ELMO1: variants seen among roughly 807,000 people sequenced by gnomAD.
The protein encoded by ELMO1 is engulfment and cell motility protein 1.
Under a neutral mutation model 98.9 loss-of-function variants are expected in ELMO1, and 26 were observed. That is an observed-to-expected ratio of 0.26 (90% confidence interval 0.19 to 0.36). ELMO1 has a LOEUF of 0.36. Ranked by LOEUF, ELMO1 falls within the 10% of genes least tolerant of loss-of-function variation. The pLI is 1.00. For synonymous variants in ELMO1, 346 were observed against 346.0 expected (o/e 1.00, Z 0.00); for missense variants, 627 against 935.2 (o/e 0.67, Z 4.30).
intron 1 of ELMO1, among the ~76,000 whole-genome samples, chr7:37,408,127 G>A (rs1803849892): frequency 6.6e-6 from 1 of 152,124 alleles, no homozygotes; most frequent in Non-Finnish European, 1.5e-5. Flanking sequence ...TTGTAACCTT[G>A]TGTTCCCCAT....
intron 16 of ELMO1, among the ~76,000 whole-genome samples, chr7:36,991,367 C>G (rs1791866116): frequency 6.6e-6 from 1 of 152,200 alleles, no homozygotes; most frequent in Non-Finnish European, 1.5e-5. Flanking sequence ...GATGTGAGAT[C>G]AGAAGTGGGG....
chr7:37,195,580 G>T (rs1791916624), intron 13 of ELMO1, among the ~76,000 whole-genome samples: 2 of 152,338 alleles, frequency 1.3e-5, no homozygotes, highest in Admixed American at 6.5e-5. Flanking sequence ...TGGAGGCGGG[G>T]CTCCCTGCAC....
At chr7:37,006,634 A>G (rs1793142819) in intron 16 of ELMO1, among the ~76,000 whole-genome samples, 1 of 152,230 alleles carries the variant, frequency 6.6e-6, no homozygotes, top group Admixed American at 6.5e-5. Context: ...CAGCAGGCAC[A>G]GGTATACATA....
chr7:37,227,192 C>T (rs766097408), intron 8 of ELMO1, among the ~76,000 whole-genome samples: 2 of 152,102 alleles, frequency 1.3e-5, no homozygotes, highest in African/African-American at 4.8e-5. Context: ...AGAGTATATA[C>T]AAATAACACT....
chr7:37,092,875 A>T (rs1784190055), intron 15 of ELMO1, among the ~76,000 whole-genome samples: 2 of 148,586 alleles, frequency 1.3e-5, no homozygotes, highest in Non-Finnish European at 3.0e-5. Context: ...AAATGCAATC[A>T]CTCTACTTTC....
chr7:37,046,663 C>T (rs1427892083), intron 15 of ELMO1, among the ~76,000 whole-genome samples: 1 of 152,092 alleles, frequency 6.6e-6, no homozygotes, highest in Non-Finnish European at 1.5e-5. Flanking sequence ...AAATGTCTGC[C>T]GTTAATCTTA....
intron 13 of ELMO1, among the ~76,000 whole-genome samples, chr7:37,194,942 A>G (rs959524963): frequency 2.0e-5 from 3 of 151,560 alleles, no homozygotes. Flanking sequence ...TTCATTCAAC[A>G]CACACTTACC....
chr7:37,070,366 T>A (rs990276288), intron 15 of ELMO1, among the ~76,000 whole-genome samples: 2 of 152,220 alleles, frequency 1.3e-5, no homozygotes, highest in Non-Finnish European at 2.9e-5. Flanking sequence ...AAAATTCATA[T>A]GAAGATGCAA....
intron 16 of ELMO1, among the ~76,000 whole-genome samples, chr7:36,974,393 T>C (rs975196243): frequency 6.6e-6 from 1 of 152,190 alleles, no homozygotes; most frequent in Non-Finnish European, 1.5e-5. Context: ...CGGCACTCTG[T>C]ATCTAGCTCA....
At chr7:36,889,182 C>T (rs1351780471) in intron 17 of ELMO1, among the ~76,000 whole-genome samples, 2 of 152,096 alleles carry the variant, frequency 1.3e-5, no homozygotes, top group Non-Finnish European at 2.9e-5. Context: ...GGCTTAAGTG[C>T]CCTCAAACAT....
chr7:37,354,581 C>T (rs928545853), intron 1 of ELMO1, among the ~76,000 whole-genome samples: 2 of 152,206 alleles, frequency 1.3e-5, no homozygotes, highest in African/African-American at 2.4e-5. Context: ...CTGGAAAGTT[C>T]ATCATTTTGC....
intron 14 of ELMO1, among the ~76,000 whole-genome samples, chr7:37,106,098 G>A (rs989651849): frequency 5.3e-5 from 8 of 152,132 alleles, no homozygotes; most frequent in South Asian, 2.1e-4. Context: ...ACTCTCAAGC[G>A]TTTAGCTCAT....
chr7:36,898,910 A>G (rs998896172), intron 16 of ELMO1, among the ~76,000 whole-genome samples: 3 of 152,210 alleles, frequency 2.0e-5, no homozygotes, highest in Non-Finnish European at 2.9e-5. Flanking sequence ...GCAAGGGGTC[A>G]GGTGTTCACT....
At chr7:37,023,839 C>A (rs753362962) in intron 15 of ELMO1, among the ~76,000 whole-genome samples, 5 of 152,152 alleles carry the variant, frequency 3.3e-5, no homozygotes, top group Non-Finnish European at 7.4e-5. Flanking sequence ...CCACCTCAGC[C>A]TCTCAAAGTT....
intron 15 of ELMO1, among the ~76,000 whole-genome samples, chr7:37,077,534 G>A (rs1797648287): frequency 6.6e-6 from 1 of 152,216 alleles, no homozygotes; most frequent in Non-Finnish European, 1.5e-5. Flanking sequence ...GTTGCAGGAT[G>A]AAGCAGGGGC....
chr7:37,077,866 C>T (rs533519531), intron 15 of ELMO1, among the ~76,000 whole-genome samples: 24 of 152,174 alleles, frequency 1.6e-4, no homozygotes, highest in Non-Finnish European at 2.8e-4. Context: ...CCAGAGCATA[C>T]GAGCAAAGGG....
rs151206698 is a variant in ELMO1, at chr7:37,195,519, CT to C, written c.1086+15866del. ...ATAGATGGAAGAAATCCACAGGCCC[CT>C]GTCTCACACCTTGGATGCCTGTTTG... On this transcript the variant is annotated intron_variant, in intron 13 of 21. Transcript: ENST00000310758. 4.8e-3 allele frequency among the ~76,000 whole-genome samples: 734 copies of C among 152,342 alleles called. 9 individuals carry two copies. The highest frequency in any genetic ancestry group is 0.017 in the Middle Eastern group (5 of 294).
Position 37,133,126 on chromosome 7 carries a change from T to C in ELMO1, c.1191+4A>G. On this transcript the variant is annotated splice_donor_region_variant and intron_variant, in intron 14 of 21. Coordinates refer to ENST00000310758, the MANE Select transcript of ELMO1 (RefSeq NM_014800.11). ...CAATATCTGAAAAGGGGCTTCTTGC[T>C]TACCCGGATGTAGGCATCTTGGTGG... 1.2e-6 allele frequency: 2 copies of C among 1,604,948 alleles called. No individual in the cohort carries two copies. The highest frequency in any genetic ancestry group is 1.7e-6 in the Non-Finnish European group (2 of 1,175,656).
intron 13 of ELMO1, among the ~76,000 whole-genome samples, chr7:37,196,219 G>A (rs1314734655): frequency 2.6e-5 from 4 of 152,190 alleles, no homozygotes; most frequent in African/African-American, 9.6e-5. Flanking sequence ...TAGACAGCAT[G>A]TTCCCTTTTC....
Sources: gnomAD v4.1 joint callset for allele counts (sites outside exome capture counted in the v4.1 genomes callset) on GRCh38, gnomAD v4.1.1 for gene constraint, MANE v1.5 for transcripts, NCBI Gene and HGNC (gene_info 2026-07-23, HGNC 2026-07-21) for gene names.